SLIT3: variants seen among roughly 807,000 people sequenced by gnomAD.
SLIT3 encodes the protein slit homolog 3 protein.
Under a neutral mutation model 184.0 loss-of-function variants are expected in SLIT3, and 68 were observed. The observed-to-expected ratio is 0.37, with a 90% CI of 0.30 to 0.45. The LOEUF (loss-of-function observed/expected upper bound fraction) is 0.45. Among genes scored for constraint, SLIT3 ranks in the 20% least tolerant of loss-of-function variants. The pLI is 1.00. For synonymous variants in SLIT3, 831 were observed against 828.6 expected (o/e 1.00, Z -0.05); for missense variants, 1,707 against 2,026.0 (o/e 0.84, Z 3.02).
At chr5:169,295,157 G>A (rs1767462330) in intron 1 of SLIT3, among the ~76,000 whole-genome samples, 1 of 152,222 alleles carries the variant, frequency 6.6e-6, no homozygotes, top group African/African-American at 2.4e-5. Flanking sequence ...CAAAAGCTAC[G>A]ATGTCACTAG....
At chr5:169,022,536 G>A (rs1309309302) in intron 4 of SLIT3, among the ~76,000 whole-genome samples, 1 of 152,210 alleles carries the variant, frequency 6.6e-6, no homozygotes, top group Admixed American at 6.5e-5. Flanking sequence ...GACACTTGTA[G>A]ACTGAGTTTT....
chr5:169,027,875 G>C (rs1299798412), intron 4 of SLIT3, among the ~76,000 whole-genome samples: 1 of 152,204 alleles, frequency 6.6e-6, no homozygotes, highest in African/African-American at 2.4e-5. Flanking sequence ...TTTATGAAAA[G>C]CCATTGATCT....
At chr5:168,845,033 C>A (rs558031349) in intron 5 of SLIT3, among the ~76,000 whole-genome samples, 5 of 151,328 alleles carry the variant, frequency 3.3e-5, no homozygotes, top group Non-Finnish European at 4.4e-5. Flanking sequence ...TTGGAGGTCA[C>A]TGCTCTGCCC....
At chr5:169,008,484 C>A (rs1389117143) in intron 4 of SLIT3, among the ~76,000 whole-genome samples, 1 of 152,198 alleles carries the variant, frequency 6.6e-6, no homozygotes, top group Non-Finnish European at 1.5e-5. Context: ...ATCCACAGAC[C>A]TCTTGGGCAG....
At chr5:168,834,530 A>G (rs1166463691) in intron 6 of SLIT3, among the ~76,000 whole-genome samples, 1 of 151,606 alleles carries the variant, frequency 6.6e-6, no homozygotes, top group East Asian at 2.0e-4. Flanking sequence ...CGTCTCTACT[A>G]AAAATACAAA....
At chr5:169,151,166 C>T (rs1054518412) in intron 4 of SLIT3, among the ~76,000 whole-genome samples, 1 of 152,150 alleles carries the variant, frequency 6.6e-6, no homozygotes, top group Non-Finnish European at 1.5e-5. Flanking sequence ...AGTGACCACC[C>T]CCTGCTTCCC....
intron 3 of SLIT3, among the ~76,000 whole-genome samples, chr5:169,215,172 A>C (rs1862155): frequency 6.6e-6 from 1 of 151,996 alleles, no homozygotes; most frequent in African/African-American, 2.4e-5. Flanking sequence ...GCTTTGTGTC[A>C]TCTGTCCTCT....
intron 4 of SLIT3, among the ~76,000 whole-genome samples, chr5:168,968,733 A>G (rs1438397533): frequency 6.6e-6 from 1 of 152,152 alleles, no homozygotes; most frequent in Non-Finnish European, 1.5e-5. Context: ...TCTTGGCTAC[A>G]CACCTCTGTA....
intron 6 of SLIT3, among the ~76,000 whole-genome samples, chr5:168,832,442 G>A (rs1757911111): frequency 6.6e-6 from 1 of 152,232 alleles, no homozygotes. Flanking sequence ...GCCTGGCCCA[G>A]TGTTTGGCAC....
intron 4 of SLIT3, among the ~76,000 whole-genome samples, chr5:169,188,037 A>G (rs1763418267): frequency 6.6e-6 from 1 of 152,094 alleles, no homozygotes; most frequent in African/African-American, 2.4e-5. Flanking sequence ...AGCTCACTGC[A>G]ACCTCCGTCT....
chr5:169,245,542 T>C (rs1280506843), intron 2 of SLIT3, among the ~76,000 whole-genome samples: 2 of 152,090 alleles, frequency 1.3e-5, no homozygotes, highest in Non-Finnish European at 2.9e-5. Flanking sequence ...TAGCTTCCAT[T>C]GGGGGCTGAC....
intron 5 of SLIT3, among the ~76,000 whole-genome samples, chr5:168,865,942 G>C (rs533885719): frequency 6.6e-6 from 1 of 152,180 alleles, no homozygotes; most frequent in South Asian, 2.1e-4. Flanking sequence ...TTTTTTAATG[G>C]TTTAATTCCT....
At chr5:168,786,092 C>A in intron 11 of SLIT3, 114 bp from the exon 12 acceptor site, 3 of 695,458 alleles carry the variant, frequency 4.3e-6, no homozygotes, top group African/African-American at 1.8e-5. Context: ...CAGGACAACC[C>A]CTTCCACGGC....
intron 6 of SLIT3, among the ~76,000 whole-genome samples, chr5:168,837,714 G>A (rs1045951528): frequency 6.6e-6 from 1 of 152,192 alleles, no homozygotes; most frequent in African/African-American, 2.4e-5. Flanking sequence ...ATAAAGCAGA[G>A]AAACAGTACA....
chr5:168,862,800 G>T (rs1041397872), intron 5 of SLIT3, among the ~76,000 whole-genome samples: 2 of 151,778 alleles, frequency 1.3e-5, no homozygotes, highest in Non-Finnish European at 2.9e-5. Context: ...TCAGCTTCCC[G>T]AGTAGCTGGG....
At chr5:168,817,039 C>T (rs969394875) in intron 8 of SLIT3, among the ~76,000 whole-genome samples, 5 of 143,408 alleles carry the variant, frequency 3.5e-5, no homozygotes, top group Non-Finnish European at 6.2e-5. Context: ...TTTCTAGTAT[C>T]AATGGACTAG....
chr5:169,174,025 C>G (rs974790667), intron 4 of SLIT3, among the ~76,000 whole-genome samples: 3 of 152,172 alleles, frequency 2.0e-5, no homozygotes, highest in Non-Finnish European at 4.4e-5. Context: ...ACAAACGGTA[C>G]AGAAGACCCT....
chr5:168,703,128 T>G (rs1474307588), intron 26 of SLIT3, among the ~76,000 whole-genome samples: 5 of 152,146 alleles, frequency 3.3e-5, no homozygotes, highest in African/African-American at 4.8e-5. Flanking sequence ...CCTGGTTAAT[T>G]AGCCTGATTC....
At position 168,823,328 on chromosome 5, in the gene SLIT3, G is replaced by T. The variant is rs766572333; in HGVS notation, c.561C>A (p.Thr187=). The stretch of plus-strand genomic sequence containing the variant: ...TGCGACTGATGTTGTTGTTGTTGAG[G>T]GTACTGTGGAGATAGACAAGGGAGA... ...FRALRDLEIL[T]LNNNNISRIL... is the part of the protein sequence containing the mutation. Residue 187 remains threonine, a synonymous_variant, in exon 7 of 36, where the codon ACC becomes ACA. Coordinates refer to ENST00000519560, the MANE Select transcript of SLIT3 (RefSeq NM_003062.4). 3 of 1,613,308 alleles carry T rather than the reference G, an allele frequency of 1.9e-6. No homozygotes were observed. Among genetic ancestry groups the T allele is most frequent in the Non-Finnish European group, 2.5e-6 (3 of 1,179,422 alleles).
Sources: gnomAD v4.1 joint callset for allele counts (sites outside exome capture counted in the v4.1 genomes callset) on GRCh38, gnomAD v4.1.1 for gene constraint, MANE v1.5 for transcripts, NCBI Gene and HGNC (gene_info 2026-07-23, HGNC 2026-07-21) for gene names.